The following SCAPER variants were observed in gnomAD, a reference collection of about 807,000 sequenced individuals.
SCAPER encodes the protein S phase cyclin A-associated protein in the endoplasmic reticulum.
Under a neutral mutation model 182.2 loss-of-function variants are expected in SCAPER, and 98 were observed. The ratio of observed to expected loss-of-function variants is 0.54; its 90% CI spans 0.46 to 0.64. SCAPER has a LOEUF of 0.64. Among genes scored for constraint, SCAPER ranks in the 30% least tolerant of loss-of-function variants. The pLI is 0.00. For missense variants in SCAPER, 1,432 were observed against 1,690.0 expected, an observed-to-expected ratio of 0.85 and a Z score of 2.68; for synonymous variants, 605 against 564.6, an observed-to-expected ratio of 1.07 and a Z score of -1.01.
At chr15:76,577,912 A>G (rs2047969687) in intron 22 of SCAPER, among the ~76,000 whole-genome samples, 1 of 152,020 alleles carries the variant, frequency 6.6e-6, no homozygotes, top group Non-Finnish European at 1.5e-5. Flanking sequence ...GAGGTCCCTG[A>G]TTCCAGGCCT....
chr15:76,569,847 T>G (rs2047312307), intron 23 of SCAPER, among the ~76,000 whole-genome samples: 1 of 152,074 alleles, frequency 6.6e-6, no homozygotes, highest in Non-Finnish European at 1.5e-5. Flanking sequence ...AATGTTCAGT[T>G]TTCAAATTCT....
intron 8 of SCAPER, among the ~76,000 whole-genome samples, chr15:76,781,514 A>G (rs1160366246): frequency 6.6e-6 from 1 of 152,220 alleles, no homozygotes; most frequent in African/African-American, 2.4e-5. Context: ...ACAGGCCAAC[A>G]TTCAACTTCA....
intron 26 of SCAPER, among the ~76,000 whole-genome samples, chr15:76,431,350 A>G (rs2046845397): frequency 6.6e-6 from 1 of 152,196 alleles, no homozygotes; most frequent in Non-Finnish European, 1.5e-5. Context: ...CTTTGAATTG[A>G]AAAATATTTC....
chr15:76,421,136 A>G (rs1054827210), intron 26 of SCAPER, among the ~76,000 whole-genome samples: 10 of 152,260 alleles, frequency 6.6e-5, no homozygotes, highest in African/African-American at 2.4e-4. Context: ...GTATATACCC[A>G]GTAATGGGAT....
At chr15:76,362,097 C>T (rs896990327) in intron 29 of SCAPER, among the ~76,000 whole-genome samples, 11 of 151,608 alleles carry the variant, frequency 7.3e-5, no homozygotes, top group Middle Eastern at 3.4e-3. Context: ...TTCAGCCTCT[C>T]GAGTAGCTGG....
chr15:76,882,960 G>C (rs909155935), intron 2 of SCAPER, among the ~76,000 whole-genome samples: 45 of 152,182 alleles, frequency 3.0e-4, no homozygotes, highest in African/African-American at 1.0e-3. Flanking sequence ...CACCGTGCCC[G>C]GCCCTCTCCT....
intron 22 of SCAPER, among the ~76,000 whole-genome samples, chr15:76,591,284 G>C (rs1038999831): frequency 6.8e-6 from 1 of 147,256 alleles, no homozygotes; most frequent in Non-Finnish European, 1.5e-5. Context: ...GAACCCTTCC[G>C]AGTGCAGGCT....
rs780617678 is a variant in SCAPER at position 76,733,418 on chromosome 15, A to C, written c.1867-34T>G. The C allele has an allele frequency of 3.7e-6, 6 of 1,600,284 alleles. No individual in the cohort carries two copies. The South Asian group carries it at 6.7e-5, about 18-fold the overall frequency. On this transcript the variant is annotated intron_variant, in intron 15 of 31. Transcript: ENST00000563290. Reference sequence around the variant, plus strand: ...AAACAAAGAAGGTAAGGTTCAGATCAAGTTAATTCTAGGGCACATTACAAA... The same window carrying C: ...AAACAAAGAAGGTAAGGTTCAGATCCAGTTAATTCTAGGGCACATTACAAA...
intron 23 of SCAPER, among the ~76,000 whole-genome samples, chr15:76,506,867 C>A (rs745766161): frequency 6.6e-5 from 10 of 152,022 alleles, no homozygotes; most frequent in Non-Finnish European, 1.5e-4. Context: ...TAGAACTAAA[C>A]CTATGATTAT....
intron 30 of SCAPER, among the ~76,000 whole-genome samples, chr15:76,353,652 A>G (rs565035488): frequency 6.6e-6 from 1 of 152,336 alleles, no homozygotes; most frequent in East Asian, 1.9e-4. Context: ...TAAAGCCTTA[A>G]AGAAGTCTGG....
chr15:76,471,378 T>G, intron 24 of SCAPER, 43 bp from the exon 25 acceptor site: 1 of 1,564,630 alleles, frequency 6.4e-7, no homozygotes, highest in Non-Finnish European at 8.6e-7. Flanking sequence ...CCCGAGCAGC[T>G]CTTCTTTAAA....
At chr15:76,644,031 T>C (rs2054331800) in intron 21 of SCAPER, among the ~76,000 whole-genome samples, 1 of 152,218 alleles carries the variant, frequency 6.6e-6, no homozygotes, top group Non-Finnish European at 1.5e-5. Flanking sequence ...CAGTAATTAT[T>C]ATCAACTCAA....
intron 5 of SCAPER, among the ~76,000 whole-genome samples, chr15:76,811,121 C>CA (rs71447123): frequency 0.1 from 10,974 of 105,268 alleles, 550 homozygotes; most frequent in East Asian, 0.19. Context: ...ATAGAATTTA[C>CA]AAAAAAAAAA....
At chr15:76,697,662 C>T (rs1370528047) in intron 20 of SCAPER, among the ~76,000 whole-genome samples, 3 of 151,646 alleles carry the variant, frequency 2.0e-5, no homozygotes, top group Non-Finnish European at 2.9e-5. Context: ...TTTTTGAGAT[C>T]GAGTCTCACT....
intron 27 of SCAPER, among the ~76,000 whole-genome samples, chr15:76,382,126 C>A (rs961082861): frequency 6.6e-6 from 1 of 152,136 alleles, no homozygotes; most frequent in African/African-American, 2.4e-5. Context: ...CCTTTTCCAA[C>A]ATTGAGGAGT....
rs184649515 is a variant in SCAPER, at chr15:76,668,962, T to C, written c.2509-3173A>G. Among the ~76,000 whole-genome samples, 10 of 152,304 alleles carry C rather than the reference T, an allele frequency of 6.6e-5. No individual in the cohort carries two copies. The East Asian group carries it at 1.9e-3, about 29-fold the overall frequency. The stretch of plus-strand genomic sequence containing the variant: ...ACTTAGAAAAAACTTAGAAGGTATA[T>C]ATTTTTATTATCCTCATTTTAACTA... On this transcript the variant is annotated intron_variant, in intron 20 of 31. Coordinates refer to ENST00000563290, the MANE Select transcript of SCAPER (RefSeq NM_020843.4).
chr15:76,495,985 A>AAG (rs56909440), intron 24 of SCAPER, among the ~76,000 whole-genome samples: 4 of 44,254 alleles, frequency 9.0e-5, no homozygotes, highest in African/African-American at 1.7e-4. Flanking sequence ...AAGAAAGCAA[A>AAG]AGAGAGAGAC....
rs541361235 is a variant in SCAPER at position 76,354,396 on chromosome 15, G to A, written c.3856-256C>T. On this transcript the variant is annotated intron_variant, in intron 29 of 31. Coordinates refer to ENST00000563290, the MANE Select transcript of SCAPER (RefSeq NM_020843.4). The surrounding 1 kb of genome is among the most constrained non-coding windows in gnomAD (Gnocchi z 4.4). ...GTTATTATAATCCACGATTAAAGGTGTAGCTGCCACGGAGTAAGGACGCCT... is the reference window on the plus strand; with the variant it reads ...GTTATTATAATCCACGATTAAAGGTATAGCTGCCACGGAGTAAGGACGCCT... The A allele has an allele frequency of 5.3e-6, 2 of 378,740 alleles. No individual in the cohort carries two copies. The highest frequency in any genetic ancestry group is 2.1e-5 in the African/African-American group (1 of 46,718). The allele number at this position is 378,740 out of a possible 1,614,324, so 23.5% of individuals were successfully genotyped here.
At chr15:76,649,722 T>C (rs2054860810) in intron 21 of SCAPER, among the ~76,000 whole-genome samples, 4 of 150,584 alleles carry the variant, frequency 2.7e-5, no homozygotes, top group Admixed American at 2.6e-4. Flanking sequence ...CAATAACATG[T>C]TTAAGAGATG....
Sources: gnomAD v4.1 joint callset for allele counts (sites outside exome capture counted in the v4.1 genomes callset) on GRCh38, gnomAD v4.1.1 for gene constraint, Gnocchi (gnomAD v3.1) non-coding constraint, MANE v1.5 for transcripts, NCBI Gene and HGNC (gene_info 2026-07-23, HGNC 2026-07-21) for gene names.